Variants in RELN observed in about 807,000 individuals in gnomAD.
RELN encodes reelin.
Under a neutral mutation model 427.6 loss-of-function variants are expected in RELN, and 108 were observed. The observed-to-expected ratio is 0.25, with a 90% CI of 0.22 to 0.30. The LOEUF (loss-of-function observed/expected upper bound fraction) is 0.30, where lower values mean the gene tolerates loss of function less well. Ranked by LOEUF, RELN falls within the 10% of genes least tolerant of loss-of-function variation. The probability of loss-of-function intolerance (pLI) is 1.00; values close to 1 mark genes in which losing one functional copy is unlikely to be tolerated. For missense variants in RELN, 3,715 were observed against 4,302.8 expected (o/e 0.86, Z 3.82); for synonymous variants, 1,524 against 1,513.4 (o/e 1.01, Z -0.16).
chr7:103,520,047 TTTTC>T (rs1829664172), intron 48 of RELN, among the ~76,000 whole-genome samples: 1 of 152,094 alleles, frequency 6.6e-6, no homozygotes, highest in South Asian at 2.1e-4. Flanking sequence ...TAATTTTCTG[TTTTC>T]TTTTTCCTTT....
intron 46 of RELN, among the ~76,000 whole-genome samples, chr7:103,530,181 C>T (rs769620242): frequency 3.3e-5 from 5 of 152,182 alleles, no homozygotes; most frequent in Non-Finnish European, 7.3e-5. Context: ...ATTTGTACCT[C>T]CAGCCATCAC....
Position 103,669,248 on chromosome 7 carries a change from A to G in RELN, c.1290-7721T>C, listed in dbSNP as rs964086438. Among the ~76,000 whole-genome samples, 4 of 152,220 alleles carry G rather than the reference A, an allele frequency of 2.6e-5. No homozygotes were observed. In the East Asian group the frequency reaches 7.7e-4, roughly 29 times the overall value. The stretch of plus-strand genomic sequence containing the variant: ...TCAAGTAAAATGGGAAGTTTAGTCT[A>G]CTTTGAAGAGAAAAAGGCAGAGATA... On this transcript the variant is annotated intron_variant, in intron 11 of 64. Transcript: ENST00000428762.
At position 103,809,036 on chromosome 7, in the gene RELN, G is replaced by C. The variant is rs1792670071; in HGVS notation, c.473+24501C>G. On this transcript the variant is annotated intron_variant, in intron 3 of 64. Coordinates refer to ENST00000428762, the MANE Select transcript of RELN (RefSeq NM_005045.4). ...AGATCAAAGGGAACACCCCAAACAA[G>C]TGTAAAGAACAAAAGTTTCTTCCCT... 1.3e-5 allele frequency among the ~76,000 whole-genome samples: 2 copies of C among 152,146 alleles called. 1 individual carries two copies. Among genetic ancestry groups the C allele is most frequent in the Middle Eastern group, 6.3e-3 (2 of 316 alleles).
chr7:103,794,724 T>C (rs115657230), intron 3 of RELN, among the ~76,000 whole-genome samples: 154 of 152,236 alleles, frequency 1.0e-3, no homozygotes, highest in African/African-American at 3.6e-3. Flanking sequence ...TTTATTTAAA[T>C]TGGATCATTC....
intron 20 of RELN, among the ~76,000 whole-genome samples, chr7:103,616,818 GGTT>G (rs1389641143): frequency 2.4e-4 from 37 of 152,052 alleles, no homozygotes; most frequent in African/African-American, 8.2e-4. Context: ...AATTTGGTGA[GGTT>G]GTTTTCACTT....
intron 3 of RELN, among the ~76,000 whole-genome samples, chr7:103,797,561 T>C (rs920277922): frequency 2.6e-5 from 4 of 152,208 alleles, no homozygotes; most frequent in African/African-American, 9.6e-5. Context: ...ATTCCGATTT[T>C]ACTAGTTTTT....
intron 51 of RELN, 115 bp from the exon 52 acceptor site, chr7:103,503,345 C>T (rs1326226247): frequency 3.6e-6 from 3 of 828,854 alleles, no homozygotes; most frequent in African/African-American, 3.4e-5. Context: ...CCACATCCAT[C>T]CTGTATTTTC....
rs562615217 is a variant in RELN at position 103,926,025 on chromosome 7, C to T, written c.227-8840G>A. 1.5e-4 allele frequency among the ~76,000 whole-genome samples: 23 copies of T among 150,422 alleles called. No homozygotes were observed. The South Asian group carries it at 3.4e-3, about 22-fold the overall frequency. ...GCTAACTAAAGAAAATTTGAACTCA[C>T]GTAACAAATAACAAAGTAACTCCTA... On this transcript the variant is annotated intron_variant, in intron 1 of 64. Transcript: ENST00000428762.
rs370902223 is a variant in RELN, at chr7:103,640,521, A to G, written c.2069+22T>C. On this transcript the variant is annotated intron_variant, in intron 17 of 64. Transcript: ENST00000428762. The surrounding 1 kb of genome is among the most constrained non-coding windows in gnomAD (Gnocchi z 4.1). ...TTACACATCAAAAAGGAGAAGCATA[A>G]GTGTTATTTTAAGATGCTTACTTGC... is the stretch of plus-strand genomic sequence containing the variant. 23 of 1,610,422 alleles carry G rather than the reference A, an allele frequency of 1.4e-5. No individual in the cohort carries two copies. The African/African-American group carries it at 2.8e-4, about 20-fold the overall frequency.
At chr7:103,731,097 C>T (rs2283027) in intron 6 of RELN, among the ~76,000 whole-genome samples, 37,428 of 151,932 alleles carry the variant, frequency 0.25, 4,762 homozygotes, top group South Asian at 0.38. Context: ...TAGCTATTTA[C>T]TGCATTCTAT....
In RELN at chr7:103,799,122, A is replaced by G. The variant is rs1584249282; in HGVS notation, c.474-22495T>C. Among the ~76,000 whole-genome samples, 4 of 152,302 alleles carry G rather than the reference A, an allele frequency of 2.6e-5. No homozygotes were observed. The South Asian group carries it at 8.3e-4, about 32-fold the overall frequency. ...TTACAGTAAGAATATCCATGAAGTT[A>G]CAACCTTACTAGTAATATTGAATTG... On this transcript the variant is annotated intron_variant, in intron 3 of 64. Coordinates refer to ENST00000428762, the MANE Select transcript of RELN (RefSeq NM_005045.4).
At position 103,492,455 on chromosome 7, in the gene RELN, G is replaced by A. The variant is rs187878010; in HGVS notation, c.9370-429C>T. Among the ~76,000 whole-genome samples, 528 of 152,034 alleles carry A rather than the reference G, an allele frequency of 3.5e-3. 4 individuals carry two copies. Among genetic ancestry groups the A allele is most frequent in the Non-Finnish European group, 4.0e-3 (274 of 67,960 alleles). Reference sequence around the variant, plus strand: ...CAGCAATTTTAATTACTTAATATTCGTTCTTGGGGTTTTCTGTATTTCCAT... The same window carrying A: ...CAGCAATTTTAATTACTTAATATTCATTCTTGGGGTTTTCTGTATTTCCAT... On this transcript the variant is annotated intron_variant, in intron 57 of 64. Coordinates refer to ENST00000428762, the MANE Select transcript of RELN (RefSeq NM_005045.4).
In RELN at chr7:103,603,195, G is replaced by A. The variant is rs879006913; in HGVS notation, c.3333+109C>T. ...AATTTGATAGAGCCCACTCAAAAGC[G>A]GGGAACGTGGGGAACAATAGAACCA... is the stretch of plus-strand genomic sequence containing the variant. On this transcript the variant is annotated intron_variant, in intron 24 of 64. Transcript: ENST00000428762. The surrounding 1 kb of genome is among the most constrained non-coding windows in gnomAD (Gnocchi z 4.3). The A allele has an allele frequency of 7.3e-5, 66 of 900,958 alleles. No homozygotes were observed. The highest frequency in any genetic ancestry group is 5.0e-5 in the Non-Finnish European group (27 of 537,450). The allele number at this position is 900,958 out of a possible 1,614,324, so 55.8% of individuals were successfully genotyped here.
chr7:103,809,079 G>A (rs1792671388), intron 3 of RELN, among the ~76,000 whole-genome samples: 1 of 152,154 alleles, frequency 6.6e-6, no homozygotes, highest in Non-Finnish European at 1.5e-5. Context: ...GTTAAGAATG[G>A]GAATGGCCTT....
rs761368012 is a variant in RELN at position 103,551,128 on chromosome 7, C to T, written c.6241G>A (p.Ala2081Thr). 4.6e-5 allele frequency: 74 copies of T among 1,613,872 alleles called. No homozygotes were observed. Among genetic ancestry groups the T allele is most frequent in the Non-Finnish European group, 5.8e-5 (68 of 1,180,026 alleles). ...TEHHPSSTYY[A>T]GTMQGWRREV... ...CTCCTCCAGCCCTGCATGGTTCCTG[C>T]GTAGTAGGTGCTGCTGGGGTGGTGC... Residue 2081 changes from alanine (A) to threonine (T), a missense_variant, in exon 41 of 65, where the codon GCA becomes ACA. Physicochemically the swap from Ala to Thr is moderately conservative, Grantham distance 58. Coordinates refer to ENST00000428762, the MANE Select transcript of RELN (RefSeq NM_005045.4).
chr7:103,491,840 TCTCTCTCTCTCTCTCTCACACACA>T (rs1828666369), intron 58 of RELN, 89 bp downstream of exon 58: 2 of 616,132 alleles, frequency 3.2e-6, no homozygotes, highest in Admixed American at 4.6e-5. Flanking sequence ...TCTCTCTCTC[TCTCTCTCTCTCTCTCTCACACACA>T]CACACACACA....
intron 36 of RELN, among the ~76,000 whole-genome samples, chr7:103,559,929 A>G (rs1421959128): frequency 6.6e-6 from 1 of 152,240 alleles, no homozygotes; most frequent in Non-Finnish European, 1.5e-5. Context: ...ATGCAAGTAT[A>G]AAGTTGTTCC....
intron 3 of RELN, among the ~76,000 whole-genome samples, chr7:103,820,520 T>C (rs1792987849): frequency 6.7e-6 from 1 of 150,170 alleles, no homozygotes; most frequent in Admixed American, 6.8e-5. Flanking sequence ...GTATGTGCTA[T>C]GCTTTTAAAA....
rs1790557685 is a variant in RELN, at chr7:103,738,668, CTTCCTTTTTTTTTTTTTT to C, written c.657-10479_657-10462del. Among the ~76,000 whole-genome samples, 3 of 140,388 alleles carry C rather than the reference CTTCCTTTTTTTTTTTTTT, an allele frequency of 2.1e-5. No homozygotes were observed. The Admixed American group carries it at 2.2e-4, about 10-fold the overall frequency. The allele number at this position is 140,388 out of a possible 152,430, so 92.1% of individuals were successfully genotyped here. A position where few individuals can be genotyped will look rare whatever the true frequency, so the allele number is the denominator to read the frequency against. Reference sequence around the variant, plus strand: ...TGGGTCTGGCATCTTTCCTTCCTTCCTTCCTTTTTTTTTTTTTTTTTTTTTTTTTTTTTGAGACAGAGG... The same window carrying C: ...TGGGTCTGGCATCTTTCCTTCCTTCCTTTTTTTTTTTTTTTGAGACAGAGG... On this transcript the variant is annotated intron_variant, in intron 6 of 64. Coordinates refer to ENST00000428762, the MANE Select transcript of RELN (RefSeq NM_005045.4).
Sources: allele counts gnomAD v4.1 joint callset (sites outside exome capture counted in the v4.1 genomes callset), GRCh38; gene constraint gnomAD v4.1.1; non-coding constraint Gnocchi (gnomAD v3.1); transcripts MANE v1.5; gene names NCBI Gene and HGNC (gene_info 2026-07-23, HGNC 2026-07-21).